Variants in FAT2 observed in about 807,000 individuals in gnomAD.
FAT2 encodes FAT atypical cadherin 2, also known as protocadherin Fat 2.
FAT2 carries 150 observed loss-of-function variants against 295.3 expected under a neutral mutation model. The ratio of observed to expected loss-of-function variants is 0.51; its 90% CI spans 0.44 to 0.58. The LOEUF (loss-of-function observed/expected upper bound fraction) is 0.58, where lower values mean the gene tolerates loss of function less well. Ranked by LOEUF, FAT2 falls within the 20% of genes least tolerant of loss-of-function variation. The pLI is 0.00. For missense variants in FAT2, 4,868 were observed against 5,442.7 expected (o/e 0.89, Z 3.32); for synonymous variants, 2,026 against 2,150.3 (o/e 0.94, Z 1.60).
At position 151,531,788 on chromosome 5, in the gene FAT2, C is replaced by T. The variant is rs140898888; in HGVS notation, c.9610G>A (p.Val3204Ile). ...TPIPLSTLGTVTVSVVGLEDY... is the reference protein window; with the variant it reads ...TPIPLSTLGTITVSVVGLEDY... ...TCTAGGCCCACCACCGAGACTGTGA[C>T]GGTGCCCAGCGTGGACAGCGGTATT... Residue 3204 changes from valine to isoleucine, a missense_variant, in exon 14 of 24, where the codon GTC becomes ATC. Physicochemically the swap from Val to Ile is conservative, Grantham distance 29. Transcript: ENST00000261800. This position sits in a 1 kb window ranked among gnomAD's most constrained non-coding sequence, Gnocchi z 5.7. The T allele has an allele frequency of 1.6e-5, 26 of 1,612,776 alleles. No homozygotes were observed. In the African/African-American group the frequency reaches 2.4e-4, roughly 15 times the overall value.
At position 151,568,405 on chromosome 5, in the gene FAT2, T is replaced by C. The variant is rs1423970882; in HGVS notation, c.527A>G (p.Asp176Gly). Residue 176 changes from aspartate to glycine, a missense_variant, in exon 2 of 24, where the codon GAT becomes GGT. Asp to Gly is a moderately conservative substitution (Grantham distance 94). This residue lies in a region of FAT2 where 3,297 missense variants were observed against 3,669.4 expected (regional missense o/e 0.90). Transcript: ENST00000261800. ...PICKVTATDA[D>G]LGQNAEFYYA... ...ATAGAACTCAGCATTCTGGCCTAGA[T>C]CAGCATCTGTGGCAGTCACCTTGCA... 2 of 1,614,084 alleles carry C rather than the reference T, an allele frequency of 1.2e-6. No individual in the cohort carries two copies. The highest frequency in any genetic ancestry group is 1.7e-6 in the Non-Finnish European group (2 of 1,180,036).
intron 1 of FAT2, among the ~76,000 whole-genome samples, chr5:151,589,731 AC>A (rs1759323760): frequency 2.0e-5 from 3 of 151,328 alleles, no homozygotes; most frequent in South Asian, 4.3e-4. Context: ...CCCCATCTCT[AC>A]AAAAAAACAT....
chr5:151,505,443 C>T lies in FAT2; in HGVS notation c.*122G>A, dbSNP rs1760762243. 2 of 1,206,474 alleles carry T rather than the reference C, an allele frequency of 1.7e-6. No homozygotes were observed. Among genetic ancestry groups the T allele is most frequent in the Admixed American group, 5.1e-5 (2 of 39,526 alleles). The allele number at this position is 1,206,474 out of a possible 1,614,324, so 74.7% of individuals were successfully genotyped here. ...AAGAGCACATTTCAAGGGACAACAG[C>T]CTGGGCTGAGGGCTTCCCTCCCACT... is the stretch of plus-strand genomic sequence containing the variant. On this transcript the variant is annotated 3_prime_UTR_variant, in exon 24 of 24. Coordinates refer to ENST00000261800, the MANE Select transcript of FAT2 (RefSeq NM_001447.3).
At chr5:151,587,820 A>G (rs1759236782) in intron 1 of FAT2, among the ~76,000 whole-genome samples, 1 of 152,232 alleles carries the variant, frequency 6.6e-6, no homozygotes, top group Non-Finnish European at 1.5e-5. Flanking sequence ...CTCCACACTG[A>G]AAACAATGAC....
At position 151,505,923 on chromosome 5, in the gene FAT2, T is replaced by G. The variant is rs1356934114; in HGVS notation, c.12692A>C (p.Glu4231Ala). The change falls in exon 24 of 24, where the codon GAG (glutamate) becomes GCG (alanine). Residue 4231 changes from glutamate to alanine, a missense_variant. This residue lies in a region of FAT2 where 492 missense variants were observed against 482.6 expected (regional missense o/e 1.02). Coordinates refer to ENST00000261800, the MANE Select transcript of FAT2 (RefSeq NM_001447.3). ...GLYGGFPFPL[E>A]MENKRAPLPP... The stretch of plus-strand genomic sequence containing the variant: ...GAGAGGTGCCCGCTTGTTTTCCATC[T>G]CCAGGGGGAAGGGGAAGCCCCCATA... 5.7e-6 allele frequency: 9 copies of G among 1,586,904 alleles called. No homozygotes were observed. Among genetic ancestry groups the G allele is most frequent in the Middle Eastern group, 1.7e-4 (1 of 5,938 alleles).
Position 151,521,435 on chromosome 5 carries a change from A to G in FAT2, c.11158T>C (p.Ser3720Pro), listed in dbSNP as rs1211458564. ...MEHSVGVQMR[S>P]AMPMVPCQGP... Reference sequence around the variant, plus strand: ...TGGCAGGGCACCATGGGCATAGCTGACCGCATCTGAACCCCCACTGAATGC... The same window carrying G: ...TGGCAGGGCACCATGGGCATAGCTGGCCGCATCTGAACCCCCACTGAATGC... Residue 3720 changes from serine to proline, a missense_variant, in exon 19 of 24, where the codon TCA becomes CCA. Physicochemically the swap from Ser to Pro is moderately conservative, Grantham distance 74. Around this residue, in one of 5 missense-constraint regions of FAT2, gnomAD observed 1,046 missense variants for 1,210.1 expected, o/e 0.86. Transcript: ENST00000261800. The G allele has an allele frequency of 6.2e-7, 1 of 1,614,088 alleles. No individual in the cohort carries two copies. The highest frequency in any genetic ancestry group is 8.5e-7 in the Non-Finnish European group (1 of 1,180,050).
chr5:151,548,811 T>C (rs920059344), intron 9 of FAT2, among the ~76,000 whole-genome samples: 1 of 152,124 alleles, frequency 6.6e-6, no homozygotes, highest in Non-Finnish European at 1.5e-5. Context: ...ATCTTTGCAA[T>C]GACTTTCTGG....
In FAT2 at chr5:151,554,421, C is replaced by T; in HGVS notation, c.3886G>A (p.Val1296Ile). 7.4e-6 allele frequency: 12 copies of T among 1,614,206 alleles called. No individual in the cohort carries two copies. Among genetic ancestry groups the T allele is most frequent in the South Asian group, 1.1e-5 (1 of 91,084 alleles). Residue 1296 changes from valine (V) to isoleucine (I), a missense_variant, in exon 5 of 24, where the codon GTC (valine) becomes ATC (isoleucine). Val to Ile is a conservative substitution (Grantham distance 29). Around this residue, in one of 5 missense-constraint regions of FAT2, gnomAD observed 3,297 missense variants for 3,669.4 expected, o/e 0.90. Transcript: ENST00000261800. Reference protein sequence around the residue: ...SDEEAFSIDLVTGVVSSSSTF... With the variant: ...SDEEAFSIDLITGVVSSSSTF... ...CTGCTGGATGAAACCACACCTGTGACCAGGTCGATACTGAAGGCCTCCTCA... is the reference window on the plus strand; with the variant it reads ...CTGCTGGATGAAACCACACCTGTGATCAGGTCGATACTGAAGGCCTCCTCA...
Position 151,526,111 on chromosome 5 carries a change from C to G in FAT2, c.10309-146G>C, listed in dbSNP as rs1753957628. On this transcript the variant is annotated intron_variant, in intron 17 of 23. Transcript: ENST00000261800. ...CCTGGACATCAAGCTGCTGCTCATT[C>G]ATTCTGCCTGCCTTTGAGGTAGTTG... 6 of 815,200 alleles carry G rather than the reference C, an allele frequency of 7.4e-6. No individual in the cohort carries two copies. The East Asian group carries it at 1.6e-4, about 22-fold the overall frequency. The allele number at this position is 815,200 out of a possible 1,614,324, so 50.5% of individuals were successfully genotyped here. A position where few individuals can be genotyped will look rare whatever the true frequency, so the allele number is the denominator to read the frequency against.
chr5:151,507,252 A>C lies in FAT2; in HGVS notation c.12419T>G (p.Val4140Gly). The C allele has an allele frequency of 6.2e-7, 1 of 1,614,166 alleles. No homozygotes were observed. ...TFGPNSKQRP[V>G]VCSVPPRLPP... Reference sequence around the variant, plus strand: ...GAGTCTGGGGGGCACACTGCAGACCACTGGCCGTTGCTTAGAATTGGGTCC... The same window carrying C: ...GAGTCTGGGGGGCACACTGCAGACCCCTGGCCGTTGCTTAGAATTGGGTCC... Residue 4140 changes from valine (V) to glycine (G), a missense_variant, in exon 23 of 24, where the codon GTG (valine) becomes GGG (glycine). Val to Gly is a moderately radical substitution (Grantham distance 109, BLOSUM62 -3). Transcript: ENST00000261800.
rs755238824 is a variant in FAT2 at position 151,507,400 on chromosome 5, C to T, written c.12271G>A (p.Val4091Ile). 6.2e-6 allele frequency: 10 copies of T among 1,614,214 alleles called. No homozygotes were observed. Among genetic ancestry groups the T allele is most frequent in the Non-Finnish European group, 8.5e-6 (10 of 1,180,034 alleles). ...GGCATGGCTTGGGTGTCAACACCAA[C>T]ACTCCTGGCCAGGAGGTCTGGGTCC... ...MEDPDLLARSVGVDTQAMPAI... is the reference protein window; with the variant it reads ...MEDPDLLARSIGVDTQAMPAI... The change falls in exon 23 of 24, where the codon GTT (valine) becomes ATT (isoleucine). Residue 4091 changes from valine to isoleucine, a missense_variant. Val to Ile is a conservative substitution (Grantham distance 29). Coordinates refer to ENST00000261800, the MANE Select transcript of FAT2 (RefSeq NM_001447.3).
Position 151,506,524 on chromosome 5 carries a change from C to A in FAT2, c.12518-427G>T, listed in dbSNP as rs73798917. 6.5e-3 allele frequency among the ~76,000 whole-genome samples: 995 copies of A among 152,318 alleles called. 16 individuals carry two copies. The highest frequency in any genetic ancestry group is 0.023 in the African/African-American group (945 of 41,548). On this transcript the variant is annotated intron_variant, in intron 23 of 23. Coordinates refer to ENST00000261800, the MANE Select transcript of FAT2 (RefSeq NM_001447.3). ...TGGAGAGTGATGAAATGAGATGTGG[C>A]TCGGAAATCAGGAGACCAGGAGCCC...
chr5:151,569,880 C>T (rs758688820), intron 1 of FAT2, among the ~76,000 whole-genome samples: 1 of 152,226 alleles, frequency 6.6e-6, no homozygotes, highest in Non-Finnish European at 1.5e-5. Context: ...AGATCCCAGG[C>T]GTGGCATCAG....
In FAT2 at chr5:151,544,507, A is replaced by G. The variant is rs201360330; in HGVS notation, c.6620T>C (p.Ile2207Thr). Reference sequence around the variant, plus strand: ...CAGCATCAAGGGTTCTTCCTCCACAATGTTGTAGATGAGCCGGAGTCCCTC... The same window carrying G: ...CAGCATCAAGGGTTCTTCCTCCACAGTGTTGTAGATGAGCCGGAGTCCCTC... ...SPEGLRLIYN[I>T]VEEEPLMLFT... Residue 2207 changes from isoleucine (I) to threonine (T), a missense_variant, in exon 10 of 24, where the codon ATT (isoleucine) becomes ACT (threonine). Around this residue, in one of 5 missense-constraint regions of FAT2, gnomAD observed 3,297 missense variants for 3,669.4 expected, o/e 0.90. Coordinates refer to ENST00000261800, the MANE Select transcript of FAT2 (RefSeq NM_001447.3). 1.9e-6 allele frequency: 3 copies of G among 1,613,828 alleles called. No individual in the cohort carries two copies. The highest frequency in any genetic ancestry group is 2.7e-5 in the African/African-American group (2 of 74,880).
chr5:151,534,606 C>A lies in FAT2; in HGVS notation c.9230G>T (p.Arg3077Met). 6.2e-7 allele frequency: 1 copy of A among 1,614,038 alleles called. No homozygotes were observed. The highest frequency in any genetic ancestry group is 8.5e-7 in the Non-Finnish European group (1 of 1,179,936). The change falls in exon 13 of 24, where the codon AGG becomes ATG. Residue 3077 changes from arginine to methionine, a missense_variant. Coordinates refer to ENST00000261800, the MANE Select transcript of FAT2 (RefSeq NM_001447.3). ...LTTLTALDRERKDVFNLVAKA... is the reference protein window; with the variant it reads ...LTTLTALDREMKDVFNLVAKA... ...GGCAACAAGGTTGAACACATCCTTC[C>A]TTTCTCGGTCTAGGGCAGTGAGTGT...
chr5:151,565,599 C>A lies in FAT2; in HGVS notation c.3259+74G>T, dbSNP rs905512989. On this transcript the variant is annotated intron_variant, in intron 2 of 23. Transcript: ENST00000261800. ...AGGCTGACTCCTTTTTCCTTCAGCC[C>A]GCAGGCTGACTTCTTTTTCCTTCAG... is the stretch of plus-strand genomic sequence containing the variant. The A allele has an allele frequency of 2.8e-6, 4 of 1,436,788 alleles. No individual in the cohort carries two copies. In the African/African-American group the frequency reaches 5.7e-5, roughly 20 times the overall value. The allele number at this position is 1,436,788 out of a possible 1,614,324, so 89.0% of individuals were successfully genotyped here. A position where few individuals can be genotyped will look rare whatever the true frequency, so the allele number is the denominator to read the frequency against.
At chr5:151,508,390 G>A (rs866137385) in intron 22 of FAT2, among the ~76,000 whole-genome samples, 3 of 152,180 alleles carry the variant, frequency 2.0e-5, no homozygotes, top group Non-Finnish European at 4.4e-5. Context: ...GCAAAGCAGG[G>A]CAGGACACAC....
At chr5:151,539,375 T>C (rs530743531) in intron 11 of FAT2, among the ~76,000 whole-genome samples, 5 of 152,376 alleles carry the variant, frequency 3.3e-5, no homozygotes, top group African/African-American at 1.2e-4. Flanking sequence ...AGTCGAAGTT[T>C]GTATATATGC....
rs752688599 is a variant in FAT2, at chr5:151,554,447, T to C, written c.3860A>G (p.Asp1287Gly). The C allele has an allele frequency of 1.9e-6, 3 of 1,614,218 alleles. No individual in the cohort carries two copies. The highest frequency in any genetic ancestry group is 2.5e-6 in the Non-Finnish European group (3 of 1,180,024). ...CAGGTCGATACTGAAGGCCTCCTCA[T>C]CGCTGTCCTCGATACTGTAGGTGAC... ...GRVTYSIEDS[D>G]EEAFSIDLVT... Residue 1287 changes from aspartate (D) to glycine (G), a missense_variant, in exon 5 of 24, where the codon GAT (aspartate) becomes GGT (glycine). Asp to Gly is a moderately conservative substitution (Grantham distance 94). Around this residue, in one of 5 missense-constraint regions of FAT2, gnomAD observed 3,297 missense variants for 3,669.4 expected, o/e 0.90. Coordinates refer to ENST00000261800, the MANE Select transcript of FAT2 (RefSeq NM_001447.3).
Sources: allele counts gnomAD v4.1 joint callset (sites outside exome capture counted in the v4.1 genomes callset), GRCh38; gene constraint gnomAD v4.1.1; regional missense constraint gnomAD v4.1.1; non-coding constraint Gnocchi (gnomAD v3.1); transcripts MANE v1.5; gene names NCBI Gene and HGNC (gene_info 2026-07-23, HGNC 2026-07-21).